The following SLC49A4 variants were observed in gnomAD, a reference collection of about 807,000 sequenced individuals.
SLC49A4 encodes disrupted in renal cancer protein 2.
SLC49A4 carries 36 observed loss-of-function variants against 50.6 expected under a neutral mutation model. That is an observed-to-expected ratio of 0.71 (90% CI 0.55 to 0.94). The LOEUF (loss-of-function observed/expected upper bound fraction) is 0.94. Ranked by LOEUF, SLC49A4 falls within the 40% of genes least tolerant of loss-of-function variation. The probability of loss-of-function intolerance (pLI) is 0.00; values close to 1 mark genes in which losing one functional copy is unlikely to be tolerated. For synonymous variants in SLC49A4, 248 were observed against 241.2 expected (o/e 1.03, Z -0.26); for missense variants, 503 against 605.7 (o/e 0.83, Z 1.78).
At chr3:122,798,634 CT>C (rs71136594) in intron 1 of SLC49A4, among the ~76,000 whole-genome samples, 958 of 62,768 alleles carry the variant, frequency 0.015, 1 homozygote, top group Non-Finnish European at 0.017. Flanking sequence ...ACTAAAATAT[CT>C]TTTTTTTTTT....
intron 7 of SLC49A4, among the ~76,000 whole-genome samples, chr3:122,865,076 C>A (rs1462151989): frequency 1.3e-5 from 2 of 152,186 alleles, no homozygotes; most frequent in Non-Finnish European, 2.9e-5. Flanking sequence ...ACTATATTTT[C>A]ATGTCTTTTG....
At chr3:122,838,427 A>T (rs1014739602) in intron 4 of SLC49A4, among the ~76,000 whole-genome samples, 10 of 152,168 alleles carry the variant, frequency 6.6e-5, no homozygotes, top group East Asian at 3.9e-4. Flanking sequence ...GAAGCTGGAA[A>T]CCATCATTCT....
chr3:122,857,408 T>A lies in SLC49A4; in HGVS notation c.1010+1034T>A, dbSNP rs142984642. Among the ~76,000 whole-genome samples, 296 of 152,250 alleles carry A rather than the reference T, an allele frequency of 1.9e-3. 1 individual carries two copies. The highest frequency in any genetic ancestry group is 6.9e-3 in the African/African-American group (287 of 41,562). On this transcript the variant is annotated intron_variant, in intron 6 of 8. Coordinates refer to ENST00000261038, the MANE Select transcript of SLC49A4 (RefSeq NM_032839.3). Reference sequence around the variant, plus strand: ...ATTCACTTCCCAAATCATTTTACTCTGCTCAAAAACAAAATTAGGCAATCA... The same window carrying A: ...ATTCACTTCCCAAATCATTTTACTCAGCTCAAAAACAAAATTAGGCAATCA...
At chr3:122,845,725 A>G (rs779013831) in intron 4 of SLC49A4, 38 bp from the exon 5 acceptor site, 12 of 1,200,108 alleles carry the variant, frequency 1.0e-5, no homozygotes, top group Non-Finnish European at 1.4e-5. Context: ...CTAGATTTTT[A>G]ATTTGTTACA....
chr3:122,820,585 G>A (rs1280871472), intron 2 of SLC49A4, among the ~76,000 whole-genome samples: 2 of 152,220 alleles, frequency 1.3e-5, no homozygotes, highest in Admixed American at 1.3e-4. Context: ...GATGTGAACT[G>A]TAGATCTTCA....
chr3:122,864,580 A>G (rs1321341142), intron 7 of SLC49A4, among the ~76,000 whole-genome samples: 2 of 152,330 alleles, frequency 1.3e-5, no homozygotes, highest in East Asian at 1.9e-4. Context: ...CTAGAATGCT[A>G]TGACAGTGAT....
rs539030133 is a variant in SLC49A4 at position 122,829,787 on chromosome 3, G to T, written c.703+2722G>T. ...GGTAACATCACATTTCACTTCTAGG[G>T]TTATGAACAAGACAAGGATGTCCAT... On this transcript the variant is annotated intron_variant, in intron 3 of 8. Coordinates refer to ENST00000261038, the MANE Select transcript of SLC49A4 (RefSeq NM_032839.3). 5.9e-5 allele frequency among the ~76,000 whole-genome samples: 9 copies of T among 152,222 alleles called. No homozygotes were observed. In the East Asian group the frequency reaches 1.7e-3, roughly 29 times the overall value.
intron 5 of SLC49A4, among the ~76,000 whole-genome samples, chr3:122,849,184 A>G (rs568452499): frequency 3.2e-4 from 49 of 152,248 alleles, no homozygotes; most frequent in African/African-American, 1.1e-3. Flanking sequence ...TATATATCTG[A>G]TATTTTCTTG....
At chr3:122,795,684 A>C in intron 1 of SLC49A4, 149 bp downstream of exon 1, 2 of 1,393,938 alleles carry the variant, frequency 1.4e-6, no homozygotes, top group Non-Finnish European at 1.8e-6. Flanking sequence ...TTTCTGACTT[A>C]GGAACCCTCC....
chr3:122,854,548 C>T (rs1936961979), intron 5 of SLC49A4, among the ~76,000 whole-genome samples: 1 of 152,194 alleles, frequency 6.6e-6, no homozygotes, highest in South Asian at 2.1e-4. Flanking sequence ...TGCATGGGTG[C>T]AGCTGGGCAG....
At chr3:122,879,076 C>T (rs1474004891) in intron 8 of SLC49A4, among the ~76,000 whole-genome samples, 187 bp from the exon 9 acceptor site, 4 of 152,098 alleles carry the variant, frequency 2.6e-5, no homozygotes, top group African/African-American at 4.8e-5. Context: ...ATGGAAGCCC[C>T]GTCATATATT....
intron 3 of SLC49A4, among the ~76,000 whole-genome samples, chr3:122,832,755 T>C (rs1936624152): frequency 6.6e-6 from 1 of 152,196 alleles, no homozygotes; most frequent in Non-Finnish European, 1.5e-5. Flanking sequence ...TGCCATAGTA[T>C]CAGCATATAC....
rs532914585 is a variant in SLC49A4 at position 122,827,703 on chromosome 3, G to C, written c.703+638G>C. Among the ~76,000 whole-genome samples, 10 of 152,262 alleles carry C rather than the reference G, an allele frequency of 6.6e-5. No homozygotes were observed. In the South Asian group the frequency reaches 1.7e-3, roughly 25 times the overall value. ...CTGTTTGTTATTTCCTCTGCATTCA[G>C]AACACTTTTTGTAGGTGTTTACTAT... On this transcript the variant is annotated intron_variant, in intron 3 of 8. Coordinates refer to ENST00000261038, the MANE Select transcript of SLC49A4 (RefSeq NM_032839.3).
At chr3:122,856,429 A>T (rs1182792250) in intron 6 of SLC49A4, 55 bp downstream of exon 6, 1 of 1,452,918 alleles carries the variant, frequency 6.9e-7, no homozygotes, top group African/African-American at 1.4e-5. Flanking sequence ...AAAAGCCTAA[A>T]GATAAATAGG....
chr3:122,859,595 C>A (rs575780320), intron 6 of SLC49A4, among the ~76,000 whole-genome samples: 1 of 152,254 alleles, frequency 6.6e-6, no homozygotes, highest in African/African-American at 2.4e-5. Context: ...GCCTGTAATA[C>A]CAGCACTTGG....
intron 1 of SLC49A4, among the ~76,000 whole-genome samples, chr3:122,804,494 C>G (rs1936180925): frequency 6.6e-6 from 1 of 152,192 alleles, no homozygotes; most frequent in South Asian, 2.1e-4. Context: ...TTTTTGATTA[C>G]ATGGAATTAT....
At chr3:122,867,175 T>C (rs1466679301) in intron 7 of SLC49A4, among the ~76,000 whole-genome samples, 1 of 152,260 alleles carries the variant, frequency 6.6e-6, no homozygotes, top group Non-Finnish European at 1.5e-5. Context: ...ATCTTTTTGT[T>C]TGTAACCTTT....
chr3:122,821,117 G>C (rs957445931), intron 2 of SLC49A4, among the ~76,000 whole-genome samples: 4 of 152,222 alleles, frequency 2.6e-5, no homozygotes, highest in African/African-American at 4.8e-5. Flanking sequence ...TGTAAGGCAT[G>C]CCTTTACTCC....
At chr3:122,862,264 G>A (rs1359059960) in intron 7 of SLC49A4, among the ~76,000 whole-genome samples, 1 of 152,072 alleles carries the variant, frequency 6.6e-6, no homozygotes, top group Non-Finnish European at 1.5e-5. Flanking sequence ...GGGATTGTTA[G>A]CTGTTTCTCT....
Sources: gnomAD v4.1 joint callset for allele counts (sites outside exome capture counted in the v4.1 genomes callset) on GRCh38, gnomAD v4.1.1 for gene constraint, MANE v1.5 for transcripts, NCBI Gene and HGNC (gene_info 2026-07-23, HGNC 2026-07-21) for gene names.